The following LUZP2 variants were observed in gnomAD, a reference collection of about 807,000 sequenced individuals.
The protein encoded by LUZP2 is leucine zipper protein 2.
In LUZP2, 52 loss-of-function variants were observed where a neutral mutation model predicts 51.6. The observed-to-expected ratio is 1.01, with a 90% CI of 0.81 to 1.27. The LOEUF is 1.27. Among genes scored for constraint, LUZP2 ranks in the 50% most tolerant of loss-of-function variants. The pLI is 0.00. For synonymous variants in LUZP2, 154 were observed against 137.3 expected (o/e 1.12, Z -0.85); for missense variants, 436 against 395.4 (o/e 1.10, Z -0.87).
chr11:24,625,172 A>G (rs534072967), intron 1 of LUZP2, among the ~76,000 whole-genome samples: 54 of 151,308 alleles, frequency 3.6e-4, no homozygotes, highest in African/African-American at 1.3e-3. Flanking sequence ...AGTGATTTCC[A>G]GGGGTGGGTT....
At chr11:24,838,044 A>G (rs889511567) in intron 5 of LUZP2, among the ~76,000 whole-genome samples, 1 of 151,574 alleles carries the variant, frequency 6.6e-6, no homozygotes, top group African/African-American at 2.4e-5. Flanking sequence ...CTACAACTCT[A>G]TTTGTTATAT....
chr11:24,594,981 C>T (rs1009083041), intron 1 of LUZP2, among the ~76,000 whole-genome samples: 2 of 151,472 alleles, frequency 1.3e-5, no homozygotes, highest in Admixed American at 6.6e-5. Flanking sequence ...AGGCTGGTCT[C>T]GAACTCCTGA....
chr11:24,865,908 C>T (rs1165480513), intron 5 of LUZP2, among the ~76,000 whole-genome samples: 1 of 151,818 alleles, frequency 6.6e-6, no homozygotes, highest in Non-Finnish European at 1.5e-5. Context: ...CTCCCAGGTT[C>T]AAGCAATTCT....
intron 9 of LUZP2, among the ~76,000 whole-genome samples, chr11:25,030,982 A>T (rs1223387723): frequency 5.0e-4 from 1 of 2,008 alleles, no homozygotes; most frequent in Non-Finnish European, 7.6e-4. Context: ...ATATATATAT[A>T]ATACAATATA....
Position 24,755,154 on chromosome 11 carries a change from A to AC in LUZP2, c.334-8092_334-8091insC, listed in dbSNP as rs1378077562. Among the ~76,000 whole-genome samples, 41 of 140,462 alleles carry AC rather than the reference A, an allele frequency of 2.9e-4. No homozygotes were observed. In the East Asian group the frequency reaches 8.8e-3, roughly 30 times the overall value. The allele number at this position is 140,462 out of a possible 152,430, so 92.1% of individuals were successfully genotyped here. A position where few individuals can be genotyped will look rare whatever the true frequency, so the allele number is the denominator to read the frequency against. ...GAGCAAAACTCTGTCTAAAAAACAGAAAAAAAAAACACACACACACATTAG... is the reference window on the plus strand; with the variant it reads ...GAGCAAAACTCTGTCTAAAAAACAGACAAAAAAAAACACACACACACATTAG... On this transcript the variant is annotated intron_variant, in intron 4 of 11. Transcript: ENST00000336930.
chr11:24,815,272 A>T (rs1223059938), intron 5 of LUZP2, among the ~76,000 whole-genome samples: 1 of 152,190 alleles, frequency 6.6e-6, no homozygotes, highest in Non-Finnish European at 1.5e-5. Context: ...AGTACTGTGA[A>T]TGAATCATCT....
At chr11:24,649,601 A>G (rs1483706138) in intron 1 of LUZP2, among the ~76,000 whole-genome samples, 2 of 151,902 alleles carry the variant, frequency 1.3e-5, no homozygotes, top group Non-Finnish European at 2.9e-5. Context: ...AAGAGTCACT[A>G]ATATATTTTT....
chr11:24,850,613 T>C (rs1409055367), intron 5 of LUZP2, among the ~76,000 whole-genome samples: 1 of 152,062 alleles, frequency 6.6e-6, no homozygotes, highest in Non-Finnish European at 1.5e-5. Context: ...GGCTCTTTTT[T>C]ATTCCATATG....
intron 1 of LUZP2, among the ~76,000 whole-genome samples, chr11:24,638,081 A>T (rs186503325): frequency 6.6e-6 from 1 of 151,964 alleles, no homozygotes; most frequent in East Asian, 1.9e-4. Context: ...GAAAATAGAA[A>T]AGAACCTACG....
intron 5 of LUZP2, among the ~76,000 whole-genome samples, chr11:24,793,486 G>T (rs1304849178): frequency 6.6e-6 from 1 of 152,092 alleles, no homozygotes; most frequent in African/African-American, 2.4e-5. Flanking sequence ...GGATCCTCTT[G>T]ATGCTCAGCT....
At chr11:24,717,155 G>C (rs1017794200) in intron 1 of LUZP2, among the ~76,000 whole-genome samples, 1 of 150,562 alleles carries the variant, frequency 6.6e-6, no homozygotes, top group Non-Finnish European at 1.5e-5. Flanking sequence ...GATAAACAGA[G>C]TAGGTAAAGG....
At position 25,074,743 on chromosome 11, in the gene LUZP2, C is replaced by T. The variant is rs186690537; in HGVS notation, c.859-2586C>T. 8.3e-4 allele frequency among the ~76,000 whole-genome samples: 126 copies of T among 151,986 alleles called. 1 individual carries two copies. Among genetic ancestry groups the T allele is most frequent in the Admixed American group, 4.7e-3 (71 of 15,248 alleles). On this transcript the variant is annotated intron_variant, in intron 10 of 11. Coordinates refer to ENST00000336930, the MANE Select transcript of LUZP2 (RefSeq NM_001009909.4). ...AGGTACATTTGAATTGCTAGCATGC[C>T]GATTAAAAATGCAAACCCCATATTT...
At position 24,897,542 on chromosome 11, in the gene LUZP2, C is replaced by T. The variant is rs540600174; in HGVS notation, c.397-8449C>T. 3.9e-5 allele frequency among the ~76,000 whole-genome samples: 6 copies of T among 152,118 alleles called. 1 individual carries two copies. Among genetic ancestry groups the T allele is most frequent in the Non-Finnish European group, 2.9e-5 (2 of 68,010 alleles). On this transcript the variant is annotated intron_variant, in intron 5 of 11. Coordinates refer to ENST00000336930, the MANE Select transcript of LUZP2 (RefSeq NM_001009909.4). ...CTGCATTAAGAGCTGTAACACTCAC[C>T]GCGAAGGTCTGCAGTTTCACTCCTG... is the stretch of plus-strand genomic sequence containing the variant.
chr11:24,522,377 A>C (rs2133804212), intron 1 of LUZP2, among the ~76,000 whole-genome samples: 1 of 151,448 alleles, frequency 6.6e-6, no homozygotes, highest in South Asian at 2.1e-4. Context: ...TATTTTCTTG[A>C]AAGAAGCAAA....
intron 6 of LUZP2, among the ~76,000 whole-genome samples, chr11:24,910,953 T>G (rs550186271): frequency 1.4e-4 from 21 of 152,062 alleles, no homozygotes; most frequent in Non-Finnish European, 2.9e-4. Context: ...ATCCACAGGG[T>G]GCAGCTGCAC....
intron 1 of LUZP2, among the ~76,000 whole-genome samples, chr11:24,525,843 G>T (rs866700297): frequency 6.6e-6 from 1 of 151,260 alleles, no homozygotes; most frequent in Non-Finnish European, 1.5e-5. Flanking sequence ...TATATATAAA[G>T]TAAAAACTTG....
chr11:24,923,710 C>T (rs1854142946), intron 7 of LUZP2, among the ~76,000 whole-genome samples: 1 of 152,030 alleles, frequency 6.6e-6, no homozygotes, highest in East Asian at 1.9e-4. Flanking sequence ...CAAACTTCCC[C>T]AGGGTGCTCC....
At chr11:25,033,600 AGTG>A (rs141906682) in intron 9 of LUZP2, among the ~76,000 whole-genome samples, 2 of 148,756 alleles carry the variant, frequency 1.3e-5, no homozygotes, top group Non-Finnish European at 2.9e-5. Context: ...CAGTATCCAC[AGTG>A]TCTATAACTT....
chr11:24,610,216 CACAAAT>C (rs1854075052), intron 1 of LUZP2, among the ~76,000 whole-genome samples: 1 of 152,134 alleles, frequency 6.6e-6, no homozygotes, highest in Non-Finnish European at 1.5e-5. Context: ...TGAATAGAGA[CACAAAT>C]AGTGACATTC....
Sources: allele counts gnomAD v4.1 joint callset (sites outside exome capture counted in the v4.1 genomes callset), GRCh38; gene constraint gnomAD v4.1.1; transcripts MANE v1.5; gene names NCBI Gene and HGNC (gene_info 2026-07-23, HGNC 2026-07-21).